ACCS: variants seen among roughly 807,000 people sequenced by gnomAD.
ACCS encodes the protein 1-aminocyclopropane-1-carboxylate synthase homolog (inactive), also known as 1-aminocyclopropane-1-carboxylate synthase-like protein 1.
In ACCS, 42 loss-of-function variants were observed where a neutral mutation model predicts 59.8. The ratio of observed to expected loss-of-function variants is 0.70; its 90% CI spans 0.55 to 0.91. ACCS has a LOEUF of 0.91. Among genes scored for constraint, ACCS ranks in the 40% least tolerant of loss-of-function variants. The probability of loss-of-function intolerance (pLI) is 0.00; values close to 1 mark genes in which losing one functional copy is unlikely to be tolerated. For missense variants in ACCS, 602 were observed against 630.4 expected, an observed-to-expected ratio of 0.95 and a Z score of 0.48; for synonymous variants, 230 against 240.3, an observed-to-expected ratio of 0.96 and a Z score of 0.40.
chr11:44,081,316 C>T lies in ACCS; in HGVS notation c.1107C>T (p.Asp369=). 1.9e-6 allele frequency: 3 copies of T among 1,613,724 alleles called. No homozygotes were observed. Among genetic ancestry groups the T allele is most frequent in the Non-Finnish European group, 1.7e-6 (2 of 1,179,714 alleles). ...ACCAGATGGCACAGCTGCTCCGGGA[C>T]CGTGGTGACTGCCTGGGCCTGGTGA... ...VQYQMAQLLR[D]RDWINQVYLP... is the part of the protein sequence containing the mutation. Residue 369 remains aspartate (D), a synonymous_variant, in exon 12 of 15, where the codon GAC becomes GAT. Coordinates refer to ENST00000263776, the MANE Select transcript of ACCS (RefSeq NM_032592.4).
At position 44,074,672 on chromosome 11, in the gene ACCS, A is replaced by C; in HGVS notation, c.480A>C (p.Arg160Ser). Residue 160 changes from arginine (R) to serine (S), a missense_variant, in exon 5 of 15, where the codon AGA (arginine) becomes AGC (serine). Transcript: ENST00000263776. ...ACTGCAAGAGCCCAGTACCCCTCAG[A>C]CCAGAGAATGTGAGTGGCCCCCTCC... ...SFYCKSPVPL[R>S]PENVVVLNGG... 6.2e-7 allele frequency: 1 copy of C among 1,609,266 alleles called. No individual in the cohort carries two copies. Among genetic ancestry groups the C allele is most frequent in the Non-Finnish European group, 8.5e-7 (1 of 1,178,160 alleles).
chr11:44,078,018 G>T (rs1953461053), intron 8 of ACCS, 96 bp downstream of exon 8: 4 of 1,432,134 alleles, frequency 2.8e-6, no homozygotes, highest in Non-Finnish European at 3.7e-6. Context: ...CGGGAGTAGG[G>T]TTGATACCCG....
chr11:44,067,605 C>A, intron 1 of ACCS, 23 bp from the exon 2 acceptor site: 1 of 1,583,428 alleles, frequency 6.3e-7, no homozygotes, highest in Non-Finnish European at 8.6e-7. Flanking sequence ...TTGAGCAGGC[C>A]TGTGCGTTTT....
At chr11:44,070,134 A>G (rs1952983223) in intron 2 of ACCS, among the ~76,000 whole-genome samples, 1 of 152,156 alleles carries the variant, frequency 6.6e-6, no homozygotes, top group Non-Finnish European at 1.5e-5. Context: ...TAGAACCTGT[A>G]GGGCCCCACA....
At chr11:44,074,778 C>CTTTCTTTCTTTCTTTCTTTTTT (rs1565175623) in intron 5 of ACCS, 97 bp downstream of exon 5, 2 of 180,434 alleles carry the variant, frequency 1.1e-5, no homozygotes, top group Non-Finnish European at 1.5e-5. Context: ...CTTTCTTTTT[C>CTTTCTTTCTTTCTTTCTTTTTT]TCTCTCTCTC....
chr11:44,078,037 G>A (rs1173462393), intron 8 of ACCS, 115 bp downstream of exon 8: 6 of 1,327,678 alleles, frequency 4.5e-6, no homozygotes, highest in Admixed American at 2.7e-5. Context: ...CGGTGATTGG[G>A]ACAGACAGGT....
At chr11:44,070,681 T>C (rs1953007674) in intron 2 of ACCS, among the ~76,000 whole-genome samples, 1 of 152,144 alleles carries the variant, frequency 6.6e-6, no homozygotes, top group South Asian at 2.1e-4. Context: ...GGGGTGGGGA[T>C]CAAGGTATTG....
chr11:44,078,928 C>G, intron 9 of ACCS, 144 bp downstream of exon 9: 1 of 647,178 alleles, frequency 1.5e-6, no homozygotes, highest in Non-Finnish European at 2.7e-6. Context: ...AGCGGGGAAG[C>G]AGGGATTTGT....
chr11:44,075,955 G>A (rs1953342448), intron 6 of ACCS: 2 of 201,404 alleles, frequency 9.9e-6, no homozygotes, highest in African/African-American at 4.5e-5. Flanking sequence ...TTTCCCAGAA[G>A]AGGCCCACTT....
chr11:44,068,007 T>C, intron 2 of ACCS, 92 bp downstream of exon 2: 1 of 1,400,424 alleles, frequency 7.1e-7, no homozygotes, highest in Admixed American at 2.7e-5. Context: ...CAGCCTGCTC[T>C]TATGAGGTTG....
intron 6 of ACCS, among the ~76,000 whole-genome samples, chr11:44,076,254 A>G (rs1953355872): frequency 6.6e-6 from 1 of 152,250 alleles, no homozygotes; most frequent in African/African-American, 2.4e-5. Flanking sequence ...GGTTGCAAGG[A>G]AAAGAGACCC....
intron 5 of ACCS, 109 bp from the exon 6 acceptor site, chr11:44,075,417 G>A: frequency 1.8e-6 from 2 of 1,138,768 alleles, no homozygotes; most frequent in Non-Finnish European, 2.6e-6. Flanking sequence ...AGCCTCAGGT[G>A]GCACCAAGGC....
At chr11:44,068,179 A>C (rs1232374073) in intron 2 of ACCS, among the ~76,000 whole-genome samples, 2 of 152,208 alleles carry the variant, frequency 1.3e-5, no homozygotes, top group Admixed American at 1.3e-4. Flanking sequence ...CTGACCCACG[A>C]CCTGTCGACT....
chr11:44,077,553 A>G, intron 7 of ACCS, 177 bp downstream of exon 7: 1 of 1,446,170 alleles, frequency 6.9e-7, no homozygotes, highest in Non-Finnish European at 9.0e-7. Flanking sequence ...CCAAAGTTCC[A>G]GTCTCTGAGA....
rs1253764287 is a variant in ACCS at position 44,067,897 on chromosome 11, T to G, written c.270T>G (p.Asp90Glu). The change falls in exon 2 of 15, where the codon GAT becomes GAG. Residue 90 changes from aspartate to glutamate, a missense_variant. Asp to Glu is a conservative substitution (Grantham distance 45). Coordinates refer to ENST00000263776, the MANE Select transcript of ACCS (RefSeq NM_032592.4). ...GGACCTACCACATGGATGAGTATGA[T>G]GAGGACAAGAACCCCAGTGTGAGTG... ...GYRTYHMDEY[D>E]EDKNPSGIIN... 2.5e-6 allele frequency: 4 copies of G among 1,608,362 alleles called. No homozygotes were observed. The African/African-American group carries it at 4.0e-5, about 16-fold the overall frequency.
intron 6 of ACCS, chr11:44,075,899 G>A (rs1398166344): frequency 6.8e-6 from 2 of 292,076 alleles, no homozygotes; most frequent in Non-Finnish European, 1.3e-5. Flanking sequence ...ATGTGGTCGT[G>A]CCGTGCCTGT....
chr11:44,078,515 C>T (rs749268453), intron 8 of ACCS, 169 bp from the exon 9 acceptor site: 3 of 561,882 alleles, frequency 5.3e-6, no homozygotes, highest in Non-Finnish European at 9.5e-6. Context: ...CCGCCTTTAT[C>T]TGATGCTGCA....
intron 7 of ACCS, 199 bp downstream of exon 7, chr11:44,077,575 GA>G (rs1953434305): frequency 6.9e-7 from 1 of 1,438,956 alleles, no homozygotes; most frequent in Non-Finnish European, 9.1e-7. Flanking sequence ...CCCTGGGGTT[GA>G]TGTAGAAGCC....
chr11:44,077,835 CT>C lies in ACCS; in HGVS notation c.655-5del. 2 of 1,612,618 alleles carry C rather than the reference CT, an allele frequency of 1.2e-6. No individual in the cohort carries two copies. Among genetic ancestry groups the C allele is most frequent in the South Asian group, 1.1e-5 (1 of 90,800 alleles). ...AATGTGGCTGGTGGCTCTGATGGGTCTTTTTCCAGGTCACTGGGCTAGACAC... is the reference window on the plus strand; with the variant it reads ...AATGTGGCTGGTGGCTCTGATGGGTCTTTTCCAGGTCACTGGGCTAGACAC... On this transcript the variant is annotated splice_polypyrimidine_tract_variant and intron_variant, in intron 7 of 14. Coordinates refer to ENST00000263776, the MANE Select transcript of ACCS (RefSeq NM_032592.4).
Sources: gnomAD v4.1 joint callset for allele counts (sites outside exome capture counted in the v4.1 genomes callset) on GRCh38, gnomAD v4.1.1 for gene constraint, MANE v1.5 for transcripts, NCBI Gene and HGNC (gene_info 2026-07-23, HGNC 2026-07-21) for gene names.